Variants in TULP4 observed in about 807,000 individuals in gnomAD.
The protein encoded by TULP4 is tubby-related protein 4.
TULP4 carries 16 observed loss-of-function variants against 129.0 expected under a neutral mutation model. The ratio of observed to expected loss-of-function variants is 0.12; its 90% CI spans 0.08 to 0.19. The LOEUF (loss-of-function observed/expected upper bound fraction) is 0.19. TULP4 is among the 10% of genes least tolerant of loss of function. The pLI, the probability that TULP4 is intolerant of heterozygous loss-of-function variation, is 1.00. For missense variants in TULP4, 1,842 were observed against 2,059.1 expected (o/e 0.89, Z 2.04); for synonymous variants, 998 against 854.0 (o/e 1.17, Z -2.94).
chr6:158,411,847 G>A (rs189529893), intron 1 of TULP4, among the ~76,000 whole-genome samples: 370 of 152,318 alleles, frequency 2.4e-3, no homozygotes, highest in African/African-American at 8.6e-3. Context: ...AGGGTGTGAG[G>A]AGGGTCCTGG....
In TULP4 at chr6:158,356,891, G is replaced by A. The variant is rs143613566; in HGVS notation, c.252+42623G>A. Among the ~76,000 whole-genome samples the A allele has an allele frequency of 4.3e-3, 652 of 152,126 alleles. 3 individuals carry two copies. The highest frequency in any genetic ancestry group is 7.1e-3 in the Non-Finnish European group (481 of 68,022). On this transcript the variant is annotated intron_variant, in intron 1 of 13. Coordinates refer to ENST00000367097, the MANE Select transcript of TULP4 (RefSeq NM_020245.5). ...ATGAGTGAGTAGAGGGGTTGCCCAG[G>A]AGAGTTAGGAGTTAGGTCAGAAACC...
rs1442721585 is a variant in TULP4 at position 158,510,998 on chromosome 6, TC to T, written c.*4306del. On this transcript the variant is annotated 3_prime_UTR_variant, in exon 14 of 14. Coordinates refer to ENST00000367097, the MANE Select transcript of TULP4 (RefSeq NM_020245.5). ...AATGTGTCCAAAATGTCGTTTGAGT[TC>T]CTGGGATTTCTGTAATAGCACACAA... is the stretch of plus-strand genomic sequence containing the variant. 6.6e-6 allele frequency: 1 copy of T among 152,594 alleles called. No individual in the cohort carries two copies. The highest frequency in any genetic ancestry group is 1.5e-5 in the Non-Finnish European group (1 of 68,056). 9.5% of individuals were successfully genotyped at this position (152,594 alleles called of 1,614,324 possible). A position where few individuals can be genotyped will look rare whatever the true frequency, so the allele number is the denominator to read the frequency against.
rs150706163 is a variant in TULP4, at chr6:158,303,432, A to G, written n.117-8619A>G. ...ATTTCAAAAGGGGAGGGGTTGTAAGAACAGGGAGTAGGTACAAAGATCACA... is the reference window on the plus strand; with the variant it reads ...ATTTCAAAAGGGGAGGGGTTGTAAGGACAGGGAGTAGGTACAAAGATCACA... On this transcript the variant is annotated intron_variant and non_coding_transcript_variant, in intron 1 of 1. Coordinates refer to the TULP4 transcript ENST00000432358. Among the ~76,000 whole-genome samples the G allele has an allele frequency of 6.6e-4, 101 of 152,304 alleles. 1 individual carries two copies. The highest frequency in any genetic ancestry group is 2.1e-3 in the African/African-American group (87 of 41,558).
intron 1 of TULP4, among the ~76,000 whole-genome samples, chr6:158,330,273 A>G (rs935525473): frequency 2.0e-5 from 3 of 152,216 alleles, no homozygotes; most frequent in African/African-American, 7.2e-5. Flanking sequence ...TTTCTTTTTG[A>G]GGGCTGTGGC....
intron 9 of TULP4, among the ~76,000 whole-genome samples, chr6:158,490,342 CGA>C (rs1004734051): frequency 6.6e-6 from 1 of 152,120 alleles, no homozygotes; most frequent in African/African-American, 2.4e-5. Flanking sequence ...GTTGCAGAGC[CGA>C]GATTGTGCCA....
At chr6:158,333,984 G>A (rs1435001671) in intron 1 of TULP4, among the ~76,000 whole-genome samples, 1 of 152,076 alleles carries the variant, frequency 6.6e-6, no homozygotes, top group Non-Finnish European at 1.5e-5. Flanking sequence ...TTGTAGCCTC[G>A]TCCTGTTGCT....
At chr6:158,461,411 C>CAAAAA (rs1172710735) in intron 5 of TULP4, 152 bp from the exon 6 acceptor site, 1 of 552,504 alleles carries the variant, frequency 1.8e-6, no homozygotes, top group African/African-American at 3.5e-5. Context: ...AACTCCGTCT[C>CAAAAA]AAAAAAAAAA....
At chr6:158,433,229 T>A (rs1483042075) in intron 3 of TULP4, among the ~76,000 whole-genome samples, 3 of 152,352 alleles carry the variant, frequency 2.0e-5, no homozygotes, top group African/African-American at 7.2e-5. Flanking sequence ...TGATTGTGTT[T>A]ACTTATAGTA....
At chr6:158,241,829 G>C (rs1218119225) in intron 1 of TULP4, 4 of 588,602 alleles carry the variant, frequency 6.8e-6, no homozygotes, top group Non-Finnish European at 1.3e-5. Flanking sequence ...TCCTGACCTT[G>C]TGATCTGCCT....
At chr6:158,379,131 A>C (rs1382493598) in intron 1 of TULP4, among the ~76,000 whole-genome samples, 1 of 152,136 alleles carries the variant, frequency 6.6e-6, no homozygotes, top group Non-Finnish European at 1.5e-5. Context: ...AACTGGCTGG[A>C]TTCGGGATGT....
intron 8 of TULP4, 147 bp from the exon 9 acceptor site, chr6:158,489,441 C>T: frequency 1.1e-6 from 1 of 929,104 alleles, no homozygotes; most frequent in East Asian, 2.5e-5. Flanking sequence ...AAGAGAAAAA[C>T]AATGCCAAGC....
At chr6:158,280,716 A>G (rs1287267072), upstream of TULP4, among the ~76,000 whole-genome samples, 1 of 152,262 alleles carries the variant, frequency 6.6e-6, no homozygotes. Context: ...TGCAGAAGAA[A>G]GTCTCACATT....
upstream of TULP4, among the ~76,000 whole-genome samples, chr6:158,277,452 C>T (rs1487114609): frequency 1.3e-5 from 2 of 152,184 alleles, no homozygotes; most frequent in Non-Finnish European, 2.9e-5. Context: ...TATGACATTA[C>T]TTCTCTAGAA....
In TULP4 at chr6:158,348,105, A is replaced by G. The variant is rs141244026; in HGVS notation, c.252+33837A>G. 4.2e-4 allele frequency among the ~76,000 whole-genome samples: 63 copies of G among 151,116 alleles called. No homozygotes were observed. The East Asian group carries it at 0.01, about 25-fold the overall frequency. On this transcript the variant is annotated intron_variant, in intron 1 of 13. Transcript: ENST00000367097. ...TCACTTAAACAACGTAAACCTTAAT[A>G]GATAAATGCCATAAATCCACTGGCC...
At chr6:158,249,210 A>C (rs1778091711) in intron 1 of TULP4, among the ~76,000 whole-genome samples, 1 of 151,916 alleles carries the variant, frequency 6.6e-6, no homozygotes, top group South Asian at 2.1e-4. Flanking sequence ...TACCATTTTT[A>C]TTCTTGTTAT....
chr6:158,404,605 G>A (rs1031464935), intron 1 of TULP4, among the ~76,000 whole-genome samples: 4 of 151,768 alleles, frequency 2.6e-5, no homozygotes, highest in African/African-American at 7.3e-5. Flanking sequence ...GTGAAACCCC[G>A]TCTCTACTAA....
At chr6:158,332,184 AAAAAAAAAAAAAAAAAATATAT>A (rs1287175002) in intron 1 of TULP4, among the ~76,000 whole-genome samples, 52 of 44,514 alleles carry the variant, frequency 1.2e-3, no homozygotes, top group African/African-American at 5.8e-3. Context: ...AAAAAAAAAA[AAAAAAAAAAAAAAAAAATATAT>A]ATATATATAT....
rs146753041 is a variant in TULP4, at chr6:158,331,688, G to GACAC, written c.252+17458_252+17461dup. Among the ~76,000 whole-genome samples the GACAC allele has an allele frequency of 2.9e-3, 124 of 43,298 alleles. 22 individuals are homozygous for GACAC. Among genetic ancestry groups the GACAC allele is most frequent in the East Asian group, 7.9e-3 (10 of 1,268 alleles). 28.4% of individuals were successfully genotyped at this position (43,298 alleles called of 152,430 possible). On this transcript the variant is annotated intron_variant, in intron 1 of 13. Coordinates refer to ENST00000367097, the MANE Select transcript of TULP4 (RefSeq NM_020245.5). ...TCTTTGCTGCTGGACTCGTTCAACA[G>GACAC]ACACACACACACACACACACACACA...
chr6:158,498,886 AG>A lies in TULP4; in HGVS notation c.2014+75del, dbSNP rs376940744. ...ATCATGCAAGGGGGACAGAGCGGCA[AG>A]TTGTTGAGGATTTCAGTCTGCTACC... On this transcript the variant is annotated intron_variant, in intron 12 of 13. Coordinates refer to ENST00000367097, the MANE Select transcript of TULP4 (RefSeq NM_020245.5). 55 of 1,567,454 alleles carry A rather than the reference AG, an allele frequency of 3.5e-5. 2 individuals are homozygous for A. The African/African-American group carries it at 5.9e-4, about 17-fold the overall frequency.
Sources: gnomAD v4.1 joint callset for allele counts (sites outside exome capture counted in the v4.1 genomes callset) on GRCh38, gnomAD v4.1.1 for gene constraint, MANE v1.5 for transcripts, NCBI Gene and HGNC (gene_info 2026-07-23, HGNC 2026-07-21) for gene names.